TBC1D31: variants seen among roughly 807,000 people sequenced by gnomAD.
TBC1D31 encodes TBC1 domain family member 31.
TBC1D31 carries 99 observed loss-of-function variants against 132.9 expected under a neutral mutation model. The ratio of observed to expected loss-of-function variants is 0.74; its 90% CI spans 0.63 to 0.88. The LOEUF is 0.88. Ranked by LOEUF, TBC1D31 falls within the 40% of genes least tolerant of loss-of-function variation. The pLI, the probability that TBC1D31 is intolerant of heterozygous loss-of-function variation, is 0.00. For synonymous variants in TBC1D31, 385 were observed against 419.4 expected (o/e 0.92, Z 1.00); for missense variants, 1,134 against 1,256.6 (o/e 0.90, Z 1.48).
At chr8:123,096,522 T>G (rs1816856426) in intron 5 of TBC1D31, among the ~76,000 whole-genome samples, 1 of 152,178 alleles carries the variant, frequency 6.6e-6, no homozygotes, top group South Asian at 2.1e-4. Context: ...ATCACCTTAT[T>G]TTATAGTTCT....
At chr8:123,096,480 AG>A (rs1486577455) in intron 5 of TBC1D31, among the ~76,000 whole-genome samples, 2 of 152,218 alleles carry the variant, frequency 1.3e-5, no homozygotes, top group East Asian at 3.8e-4. Context: ...TGTGTCATTC[AG>A]GTAGCAGATC....
intron 2 of TBC1D31, 179 bp from the exon 3 acceptor site, chr8:123,082,523 A>C (rs1815274257): frequency 3.5e-6 from 2 of 569,394 alleles, no homozygotes; most frequent in Non-Finnish European, 6.2e-6. Context: ...GTGGTTTCCT[A>C]TTCTGATAAC....
chr8:123,096,149 A>G (rs529754843), intron 5 of TBC1D31, among the ~76,000 whole-genome samples: 4 of 152,238 alleles, frequency 2.6e-5, no homozygotes, highest in African/African-American at 9.6e-5. Context: ...ATAAATCAGT[A>G]AGTCAGATCA....
chr8:123,130,483 C>T (rs1820509412), intron 16 of TBC1D31, 150 bp downstream of exon 16: 1 of 697,946 alleles, frequency 1.4e-6, no homozygotes, highest in Non-Finnish European at 2.1e-6. Context: ...CCTCAGCTTT[C>T]TCATTCTCTT....
At chr8:123,163,321 A>T in the TBC1D31 span, among the ~76,000 whole-genome samples, 7 of 149,504 alleles carry the variant, frequency 4.7e-5, no homozygotes, top group Non-Finnish European at 8.9e-5. Flanking sequence ...TATTTTTTTT[A>T]AATTGTGGTA....
intron 16 of TBC1D31, among the ~76,000 whole-genome samples, chr8:123,130,823 T>C (rs1167554898): frequency 1.3e-5 from 2 of 151,766 alleles, no homozygotes; most frequent in African/African-American, 4.8e-5. Context: ...GATTTCATCA[T>C]GTTGGCTAGG....
At chr8:123,101,807 C>G (rs1409770758) in intron 7 of TBC1D31, among the ~76,000 whole-genome samples, 1 of 152,194 alleles carries the variant, frequency 6.6e-6, no homozygotes, top group Non-Finnish European at 1.5e-5. Context: ...CTACTCTGGA[C>G]TAATGGTAAT....
intron 20 of TBC1D31, 136 bp from the exon 21 acceptor site, chr8:123,149,900 G>A (rs966404186): frequency 1.9e-4 from 104 of 558,838 alleles, no homozygotes; most frequent in East Asian, 8.5e-5. Context: ...AATGTTGACC[G>A]CATTCTTCTT....
chr8:123,078,272 C>A (rs13264329), intron 2 of TBC1D31, among the ~76,000 whole-genome samples: 42,794 of 151,736 alleles, frequency 0.28, 6,261 homozygotes, highest in Non-Finnish European at 0.31. Context: ...CTTTGATCAA[C>A]TAAATATATT....
At chr8:123,157,153 G>C (rs1409208867), downstream of TBC1D31, among the ~76,000 whole-genome samples, 1 of 146,524 alleles carries the variant, frequency 6.8e-6, no homozygotes, top group East Asian at 1.9e-4. Flanking sequence ...TTTTCCCCTT[G>C]TTGTCACCCC....
At chr8:123,123,966 T>C (rs1033336363) in intron 11 of TBC1D31, among the ~76,000 whole-genome samples, 1 of 152,092 alleles carries the variant, frequency 6.6e-6, no homozygotes, top group East Asian at 1.9e-4. Context: ...ACAGCACAAA[T>C]TAGTTATTTT....
At chr8:123,116,257 C>T (rs1818893974) in intron 10 of TBC1D31, among the ~76,000 whole-genome samples, 1 of 151,962 alleles carries the variant, frequency 6.6e-6, no homozygotes. Context: ...GAAAGCATAC[C>T]TCATATCTTA....
chr8:123,088,368 T>C (rs1015650329), intron 4 of TBC1D31, among the ~76,000 whole-genome samples: 1 of 151,644 alleles, frequency 6.6e-6, no homozygotes, highest in Admixed American at 6.6e-5. Flanking sequence ...GGTGGGAGAA[T>C]CCCCTGAGCC....
intron 10 of TBC1D31, among the ~76,000 whole-genome samples, chr8:123,117,806 T>TATA (rs1819096197): frequency 6.8e-6 from 1 of 147,506 alleles, no homozygotes; most frequent in Admixed American, 6.7e-5. Flanking sequence ...GGCACACACC[T>TATA]ATAGTCCTAG....
chr8:123,144,040 G>C (rs1821946601), intron 19 of TBC1D31, among the ~76,000 whole-genome samples: 1 of 152,076 alleles, frequency 6.6e-6, no homozygotes, highest in African/African-American at 2.4e-5. Context: ...ATGGATTTCT[G>C]TGATCCTTCC....
At chr8:123,152,215 G>C (rs1586756344), downstream of TBC1D31, 1 of 262,138 alleles carries the variant, frequency 3.8e-6, no homozygotes. Flanking sequence ...AGTTGATAAA[G>C]GTTTATCTTA....
At chr8:123,109,187 A>G (rs1204080792) in intron 8 of TBC1D31, 130 bp from the exon 9 acceptor site, 1 of 651,132 alleles carries the variant, frequency 1.5e-6, no homozygotes. Context: ...GAAAAGACCT[A>G]TGATACACAA....
chr8:123,120,269 T>G, intron 11 of TBC1D31, 81 bp downstream of exon 11: 1 of 1,167,236 alleles, frequency 8.6e-7, no homozygotes. Flanking sequence ...TTTGCAACAT[T>G]TAACAATTCT....
intron 10 of TBC1D31, among the ~76,000 whole-genome samples, chr8:123,119,602 A>G (rs1819280145): frequency 6.6e-6 from 1 of 152,080 alleles, no homozygotes; most frequent in Non-Finnish European, 1.5e-5. Flanking sequence ...AGGCCCAGCT[A>G]CTCAGGAGAC....
Sources: gnomAD v4.1 joint callset for allele counts (sites outside exome capture counted in the v4.1 genomes callset) on GRCh38, gnomAD v4.1.1 for gene constraint, MANE v1.5 for transcripts, NCBI Gene and HGNC (gene_info 2026-07-23, HGNC 2026-07-21) for gene names.